KIR2DL4: variants seen among roughly 807,000 people sequenced by gnomAD.
The protein encoded by KIR2DL4 is killer cell immunoglobulin like receptor, two Ig domains and long cytoplasmic tail 4.
In KIR2DL4, 41 loss-of-function variants were observed where a neutral mutation model predicts 31.0. That is an observed-to-expected ratio of 1.32 (90% CI 1.03 to 1.72). The LOEUF is 1.72. KIR2DL4 is among the 40% of genes most tolerant of loss of function. The probability of loss-of-function intolerance (pLI) is 0.00; values close to 1 mark genes in which losing one functional copy is unlikely to be tolerated. For missense variants in KIR2DL4, 438 were observed against 353.7 expected (o/e 1.24, Z -1.91); for synonymous variants, 164 against 133.6 (o/e 1.23, Z -1.57).
chr19:54,812,299 T>C (rs2060909727), intron 5 of KIR2DL4, among the ~76,000 whole-genome samples: 1 of 151,260 alleles, frequency 6.6e-6, no homozygotes, highest in Non-Finnish European at 1.5e-5. Context: ...TCAGAAAAAC[T>C]GCTCAGGACA....
chr19:54,806,024 C>T (rs1332551088), exon 4 of KIR2DL4: 12 of 1,611,340 alleles, frequency 7.4e-6, no homozygotes, highest in Non-Finnish European at 1.0e-5. Flanking sequence ...TGACCTTGTC[C>T]TGCAGCTCCC....
At chr19:54,804,150 T>TCTCTC (rs1342659161) in intron 2 of KIR2DL4, among the ~76,000 whole-genome samples, 95 of 92,374 alleles carry the variant, frequency 1.0e-3, no homozygotes, top group East Asian at 3.9e-3. Context: ...GAGATCCTGG[T>TCTCTC]ATGCTCAGCC....
exon 3 of KIR2DL4, chr19:54,804,933 C>G: frequency 6.2e-7 from 1 of 1,612,230 alleles, no homozygotes; most frequent in African/African-American, 1.3e-5. Flanking sequence ...TGTCCCTGAG[C>G]TCTACAACAG....
intron 4 of KIR2DL4, 103 bp from the exon 5 acceptor site, chr19:54,808,730 C>T: frequency 1.1e-6 from 1 of 885,670 alleles, no homozygotes; most frequent in South Asian, 1.3e-5. Flanking sequence ...CAGGGCCCAA[C>T]ATTAGATAAT....
In KIR2DL4 at chr19:54,806,287, G is replaced by A. The variant is rs1456938014; in HGVS notation, c.655+43G>A. ...CTGTCCCATGTCCTATGGTCCTAGA[G>A]CCTTAGCTGAGGAGCTTCCTGCTGA... On this transcript the variant is annotated intron_variant, in intron 4 of 7. Transcript: ENST00000359085. 1.4e-5 allele frequency: 22 copies of A among 1,573,270 alleles called. 1 individual carries two copies. In the African/African-American group the frequency reaches 2.8e-4, roughly 20 times the overall value.
chr19:54,813,661 G>T (rs753041051), intron 6 of KIR2DL4, 29 bp from the exon 6 acceptor site: 3 of 1,609,050 alleles, frequency 1.9e-6, no homozygotes, highest in Non-Finnish European at 2.5e-6. Context: ...TGCCCTCCCA[G>T]CTGTTTTGAT....
At chr19:54,805,807 C>A in intron 3 of KIR2DL4, 144 bp from the exon 4 acceptor site, 1 of 803,194 alleles carries the variant, frequency 1.2e-6, no homozygotes, top group Non-Finnish European at 2.0e-6. Context: ...AGGGAGGGAT[C>A]GACAGGAAGA....
At chr19:54,812,996 C>T (rs1231160398) in intron 5 of KIR2DL4, 2 of 635,574 alleles carry the variant, frequency 3.1e-6, no homozygotes, top group Non-Finnish European at 5.2e-6. Context: ...AAAGCTGGGT[C>T]TCCCGCCTCG....
At chr19:54,804,716 G>A in intron 2 of KIR2DL4, 77 bp from the exon 3 acceptor site, 7 of 1,462,930 alleles carry the variant, frequency 4.8e-6, no homozygotes, top group Non-Finnish European at 6.5e-6. Context: ...GAAGAAATGG[G>A]GAGAATCTTC....
At chr19:54,811,488 T>C (rs1238431263) in intron 5 of KIR2DL4, among the ~76,000 whole-genome samples, 2 of 151,338 alleles carry the variant, frequency 1.3e-5, no homozygotes, top group African/African-American at 4.9e-5. Flanking sequence ...TCTATTTCTC[T>C]ATAATGACTT....
rs1479335405 is a variant in KIR2DL4, at chr19:54,813,783, C to T, written c.*41+41C>T. ...CCAGCCTCATGGATACAGTCTTATT[C>T]CGAAATAGTCCTGAAAAATGTGAAC... On this transcript the variant is annotated intron_variant, in intron 7 of 7. Transcript: ENST00000359085. 141 of 1,611,192 alleles carry T rather than the reference C, an allele frequency of 8.8e-5. 5 individuals carry two copies. Among genetic ancestry groups the T allele is most frequent in the Middle Eastern group, 8.2e-4 (5 of 6,072 alleles).
At chr19:54,805,071 G>A in exon 3 of KIR2DL4, 6 of 1,602,504 alleles carry the variant, frequency 3.7e-6, no homozygotes, top group Non-Finnish European at 4.2e-6. Context: ...GGTGATCATG[G>A]TCACAGGTCA....
chr19:54,811,364 C>T (rs368909099), intron 5 of KIR2DL4, among the ~76,000 whole-genome samples: 5,190 of 151,220 alleles, frequency 0.034, 471 homozygotes, highest in African/African-American at 0.12. Context: ...CGTCATTGCA[C>T]TGCACCCTAG....
chr19:54,807,581 G>A (rs1322443756), intron 4 of KIR2DL4, among the ~76,000 whole-genome samples: 1 of 149,424 alleles, frequency 6.7e-6, no homozygotes, highest in Non-Finnish European at 1.5e-5. Flanking sequence ...GGGATTACTG[G>A]TGCCCGCCAC....
intron 5 of KIR2DL4, among the ~76,000 whole-genome samples, chr19:54,809,249 G>T (rs2060712183): frequency 6.7e-6 from 1 of 150,312 alleles, no homozygotes. Flanking sequence ...TTGTAGAGAA[G>T]TTCTACTTGC....
chr19:54,808,014 G>C (rs1318222467), intron 4 of KIR2DL4, among the ~76,000 whole-genome samples: 2 of 151,300 alleles, frequency 1.3e-5, no homozygotes, highest in Non-Finnish European at 2.9e-5. Context: ...AGAAATGTCT[G>C]TTCAGGTCTT....
exon 8 of KIR2DL4, chr19:54,814,204 C>A: frequency 7.1e-7 from 1 of 1,402,544 alleles, no homozygotes; most frequent in Non-Finnish European, 9.9e-7. Context: ...TCCCCACTGC[C>A]TGCTGCAGAG....
At chr19:54,808,755 G>A in intron 4 of KIR2DL4, 78 bp from the exon 5 acceptor site, 1 of 1,097,186 alleles carries the variant, frequency 9.1e-7, no homozygotes, top group South Asian at 1.3e-5. Flanking sequence ...TGTTGGCCAT[G>A]AACCAACCTC....
chr19:54,804,758 A>C (rs1485232286), intron 2 of KIR2DL4, 35 bp from the exon 3 acceptor site: 1 of 1,598,420 alleles, frequency 6.3e-7, no homozygotes, highest in African/African-American at 1.4e-5. Context: ...AGCTCAACAT[A>C]CTCCTCTCTG....
Sources: allele counts gnomAD v4.1 joint callset (sites outside exome capture counted in the v4.1 genomes callset), GRCh38; gene constraint gnomAD v4.1.1; transcripts MANE v1.5; gene names NCBI Gene and HGNC (gene_info 2026-07-23, HGNC 2026-07-21).